Variants in PPP2R2C observed in about 807,000 individuals in gnomAD.
PPP2R2C encodes protein phosphatase 2 regulatory subunit Bgamma.
Under a neutral mutation model 45.3 loss-of-function variants are expected in PPP2R2C, and 10 were observed. The ratio of observed to expected loss-of-function variants is 0.22; its 90% CI spans 0.14 to 0.37. The LOEUF is 0.37. PPP2R2C is among the 10% of genes least tolerant of loss of function. PPP2R2C has a pLI of 1.00. For synonymous variants in PPP2R2C, 257 were observed against 245.4 expected (o/e 1.05, Z -0.44); for missense variants, 308 against 619.7 (o/e 0.50, Z 5.34).
intron 1 of PPP2R2C, among the ~76,000 whole-genome samples, chr4:6,428,006 C>A (rs909863869): frequency 1.3e-5 from 2 of 152,226 alleles, no homozygotes; most frequent in Non-Finnish European, 2.9e-5. Context: ...AGCAGAACAG[C>A]TGGGGTGCCA....
rs553805803 is a variant in PPP2R2C, at chr4:6,346,630, G to A, written c.790+1216C>T. On this transcript the variant is annotated intron_variant, in intron 6 of 8. Coordinates refer to ENST00000382599, the MANE Select transcript of PPP2R2C (RefSeq NM_020416.4). ...GATGGCTGAGCGTGACACACGGAGC[G>A]TGGACAAACCCAGAGGAGATGAGGG... is the stretch of plus-strand genomic sequence containing the variant. 3.6e-4 allele frequency among the ~76,000 whole-genome samples: 55 copies of A among 152,324 alleles called. 1 individual carries two copies. The highest frequency in any genetic ancestry group is 2.5e-3 in the Admixed American group (38 of 15,310).
intron 1 of PPP2R2C, among the ~76,000 whole-genome samples, chr4:6,546,575 C>T (rs941911097): frequency 1.3e-5 from 2 of 152,176 alleles, no homozygotes; most frequent in African/African-American, 2.4e-5. Flanking sequence ...AGGCCTGCAC[C>T]CTTCACTAAG....
At chr4:6,326,653 G>T (rs1385425959) in intron 8 of PPP2R2C, among the ~76,000 whole-genome samples, 3 of 152,210 alleles carry the variant, frequency 2.0e-5, no homozygotes, top group Non-Finnish European at 4.4e-5. Flanking sequence ...GGCCACGAAG[G>T]CCAGTTTCCT....
At chr4:6,430,318 T>C (rs1421260165) in intron 1 of PPP2R2C, among the ~76,000 whole-genome samples, 2 of 152,140 alleles carry the variant, frequency 1.3e-5, no homozygotes, top group African/African-American at 4.8e-5. Flanking sequence ...CAAAGCAAGT[T>C]GCCTGAAGCC....
rs1049509021 is a variant in PPP2R2C, at chr4:6,331,796, C to T, written c.960+1766G>A. Among the ~76,000 whole-genome samples, 6 of 152,092 alleles carry T rather than the reference C, an allele frequency of 3.9e-5. No homozygotes were observed. Among genetic ancestry groups the T allele is most frequent in the African/African-American group, 1.4e-4 (6 of 41,402 alleles). On this transcript the variant is annotated intron_variant, in intron 7 of 8. Transcript: ENST00000382599. This position sits in a 1 kb window ranked among gnomAD's most constrained non-coding sequence, Gnocchi z 5.9. ...GCGCTGCCGGGGTCATGGAGCCCCC[C>T]CACCTTCCTGGACTGCCCTCTCCAG...
chr4:6,542,709 A>AAAAAAAAAAAAAG lies in PPP2R2C; in HGVS notation c.-58-7333_-58-7332insCTTTTTTTTTTTT, dbSNP rs112182178. Among the ~76,000 whole-genome samples the AAAAAAAAAAAAAG allele has an allele frequency of 1.6e-3, 205 of 127,806 alleles. 7 individuals carry two copies. The highest frequency in any genetic ancestry group is 3.5e-3 in the African/African-American group (123 of 35,148). 83.8% of individuals were successfully genotyped at this position (127,806 alleles called of 152,430 possible). ...CAGAGCAAGACTCTGTCTCAAAAAA[A>AAAAAAAAAAAAAG]AAAAAGAAAAAGAAAAAAAGATCAT... On this transcript the variant is annotated intron_variant, in intron 1 of 9. Transcript: ENST00000506140.
intron 1 of PPP2R2C, among the ~76,000 whole-genome samples, chr4:6,542,407 G>A (rs184999059): frequency 2.0e-5 from 3 of 152,268 alleles, no homozygotes; most frequent in East Asian, 1.9e-4. Context: ...AAGATAACGC[G>A]AGAATGGTTG....
At position 6,536,693 on chromosome 4, in the gene PPP2R2C, C is replaced by G. The variant is rs73086921; in HGVS notation, c.-58-1316G>C. On this transcript the variant is annotated intron_variant, in intron 1 of 9. Coordinates refer to the PPP2R2C transcript ENST00000506140. ...GACAATTTGACAATGTGAGGCTTCT[C>G]AATGCACAGGCCCCTTGTCTGCTAG... 6.3e-3 allele frequency among the ~76,000 whole-genome samples: 964 copies of G among 152,358 alleles called. 12 individuals carry two copies. Among genetic ancestry groups the G allele is most frequent in the African/African-American group, 0.021 (882 of 41,588 alleles).
At chr4:6,472,837 G>T (rs1721988444), upstream of PPP2R2C, among the ~76,000 whole-genome samples, 1 of 152,082 alleles carries the variant, frequency 6.6e-6, no homozygotes. Context: ...AGCTTGGGGG[G>T]AGGGTACCTT....
At chr4:6,465,508 G>A (rs529200020) in intron 1 of PPP2R2C, among the ~76,000 whole-genome samples, 3 of 152,262 alleles carry the variant, frequency 2.0e-5, no homozygotes, top group Admixed American at 6.5e-5. Context: ...CCTATAATTC[G>A]TGGGGCACAG....
chr4:6,554,460 C>A (rs1469917899), intron 1 of PPP2R2C, among the ~76,000 whole-genome samples: 1 of 152,206 alleles, frequency 6.6e-6, no homozygotes, highest in Non-Finnish European at 1.5e-5. Context: ...CAATCAATTT[C>A]CTTTCTTCAA....
chr4:6,496,271 T>A (rs1174857265), intron 2 of PPP2R2C, among the ~76,000 whole-genome samples: 7 of 152,154 alleles, frequency 4.6e-5, no homozygotes, highest in African/African-American at 1.7e-4. Flanking sequence ...GGAAAGAAAA[T>A]CCTAACTTTG....
chr4:6,421,870 T>C (rs1431925583), intron 1 of PPP2R2C, among the ~76,000 whole-genome samples: 9 of 152,174 alleles, frequency 5.9e-5, no homozygotes, highest in African/African-American at 2.2e-4. Context: ...CTGCTTACCT[T>C]CAATAATAGG....
At chr4:6,561,897 C>G (rs1178566519) in intron 1 of PPP2R2C, among the ~76,000 whole-genome samples, 1 of 152,240 alleles carries the variant, frequency 6.6e-6, no homozygotes. Flanking sequence ...GTGGCATTCA[C>G]TCACTCACGC....
chr4:6,505,928 T>G (rs544018511), intron 2 of PPP2R2C, among the ~76,000 whole-genome samples: 1 of 152,318 alleles, frequency 6.6e-6, no homozygotes, highest in East Asian at 1.9e-4. Flanking sequence ...ATCATGCTAC[T>G]GCAATCCAGC....
chr4:6,347,053 T>C (rs958851640), intron 6 of PPP2R2C, among the ~76,000 whole-genome samples: 1 of 152,134 alleles, frequency 6.6e-6, no homozygotes, highest in South Asian at 2.1e-4. Context: ...CAGGGGCCTC[T>C]GGGATGGCTG....
chr4:6,414,016 T>C, intron 1 of PPP2R2C: 1 of 1,531,564 alleles, frequency 6.5e-7, no homozygotes, highest in South Asian at 1.2e-5. Context: ...CAAAACCAGA[T>C]CTATGTGGCC....
At chr4:6,487,149 C>T (rs1402774051) in intron 2 of PPP2R2C, among the ~76,000 whole-genome samples, 2 of 152,058 alleles carry the variant, frequency 1.3e-5, no homozygotes, top group African/African-American at 2.4e-5. Flanking sequence ...ATTCTCCCCT[C>T]TCAGCCTTTT....
intron 2 of PPP2R2C, among the ~76,000 whole-genome samples, chr4:6,520,448 G>T (rs1336714321): frequency 6.6e-6 from 1 of 152,196 alleles, no homozygotes; most frequent in Non-Finnish European, 1.5e-5. Flanking sequence ...TCCATCCCAG[G>T]CCAGCAGCAG....
Sources: gnomAD v4.1 joint callset for allele counts (sites outside exome capture counted in the v4.1 genomes callset) on GRCh38, gnomAD v4.1.1 for gene constraint, Gnocchi (gnomAD v3.1) non-coding constraint, MANE v1.5 for transcripts, NCBI Gene and HGNC (gene_info 2026-07-23, HGNC 2026-07-21) for gene names.